The following WDR7 variants were observed in gnomAD, a reference collection of about 807,000 sequenced individuals.
WDR7 encodes WD repeat domain 7.
A neutral mutation model predicts 169.4 loss-of-function variants in WDR7; 46 were observed. The observed-to-expected ratio is 0.27, with a 90% CI of 0.21 to 0.35. The LOEUF (loss-of-function observed/expected upper bound fraction) is 0.35. Among genes scored for constraint, WDR7 ranks in the 10% least tolerant of loss-of-function variants. The pLI, the probability that WDR7 is intolerant of heterozygous loss-of-function variation, is 1.00. For missense variants in WDR7, 1,534 were observed against 1,859.3 expected (o/e 0.83, Z 3.22); for synonymous variants, 612 against 666.8 (o/e 0.92, Z 1.27).
At chr18:56,822,202 G>A (rs1024386376) in intron 20 of WDR7, among the ~76,000 whole-genome samples, 3 of 152,088 alleles carry the variant, frequency 2.0e-5, no homozygotes, top group Non-Finnish European at 2.9e-5. Flanking sequence ...ACATTATTTA[G>A]GACTGTTGTA....
intron 14 of WDR7, among the ~76,000 whole-genome samples, chr18:56,753,806 T>C (rs1471189103): frequency 6.6e-6 from 1 of 152,094 alleles, no homozygotes; most frequent in Non-Finnish European, 1.5e-5. Flanking sequence ...GTTTTGGTAC[T>C]AGGGCCTATT....
chr18:56,742,538 A>G (rs1003085383), intron 14 of WDR7, among the ~76,000 whole-genome samples: 4 of 152,216 alleles, frequency 2.6e-5, no homozygotes, highest in African/African-American at 9.6e-5. Context: ...GAATCAGTCA[A>G]GTTCAGTTAA....
intron 16 of WDR7, among the ~76,000 whole-genome samples, chr18:56,762,274 A>G (rs992392358): frequency 1.3e-5 from 2 of 151,822 alleles, no homozygotes; most frequent in Non-Finnish European, 2.9e-5. Flanking sequence ...AGAAGCTTTC[A>G]GATTATTCAG....
chr18:56,682,961 A>G (rs1428035473), intron 5 of WDR7, 108 bp downstream of exon 5: 12 of 1,195,006 alleles, frequency 1.0e-5, no homozygotes, highest in African/African-American at 1.6e-5. Flanking sequence ...ATATTCTTCT[A>G]TGTAAGAAAT....
At chr18:56,838,997 T>C (rs1226468398) in intron 20 of WDR7, among the ~76,000 whole-genome samples, 2 of 152,182 alleles carry the variant, frequency 1.3e-5, no homozygotes, top group Admixed American at 6.5e-5. Flanking sequence ...TTAGCATACA[T>C]TTATTCACAT....
chr18:56,691,781 T>G lies in WDR7; in HGVS notation c.930T>G (p.Pro310=). ...VGKAVENLIP[P]VQHILLDRKD... is the part of the protein sequence containing the mutation. ...AGGCAGTTGAAAATTTAATTCCTCCTGTACAACATATCCTCTTGGATCGAA... is the reference window on the plus strand; with the variant it reads ...AGGCAGTTGAAAATTTAATTCCTCCGGTACAACATATCCTCTTGGATCGAA... The change falls in exon 9 of 28, where the codon CCT becomes CCG. Residue 310 remains proline (P), a synonymous_variant. Transcript: ENST00000254442. 1 of 1,612,510 alleles carries G rather than the reference T, an allele frequency of 6.2e-7. No individual in the cohort carries two copies.
At chr18:56,705,258 A>G (rs1338647043) in intron 12 of WDR7, among the ~76,000 whole-genome samples, 1 of 151,694 alleles carries the variant, frequency 6.6e-6, no homozygotes, top group Non-Finnish European at 1.5e-5. Flanking sequence ...TATCTGCCAT[A>G]TTTCAGGCAC....
At chr18:56,841,552 A>T (rs2045487062) in intron 20 of WDR7, among the ~76,000 whole-genome samples, 1 of 152,062 alleles carries the variant, frequency 6.6e-6, no homozygotes, top group Non-Finnish European at 1.5e-5. Context: ...TCTAAAAAAA[A>T]AAAAAAAAGA....
intron 5 of WDR7, 33 bp from the exon 6 acceptor site, chr18:56,685,923 C>A (rs2025434348): frequency 1.9e-6 from 3 of 1,563,300 alleles, no homozygotes; most frequent in African/African-American, 2.8e-5. Context: ...ATGTTCGTAA[C>A]CTGGGCTGCT....
intron 21 of WDR7, among the ~76,000 whole-genome samples, chr18:56,905,845 G>A (rs1018300756): frequency 6.6e-6 from 1 of 152,024 alleles, no homozygotes. Flanking sequence ...GTTCAAAGTG[G>A]TACTCGGGGA....
At chr18:56,774,402 A>C (rs2044211106) in intron 16 of WDR7, among the ~76,000 whole-genome samples, 1 of 152,114 alleles carries the variant, frequency 6.6e-6, no homozygotes, top group African/African-American at 2.4e-5. Context: ...GAGAGTAAGC[A>C]GTTGAAGCGG....
intron 25 of WDR7, among the ~76,000 whole-genome samples, chr18:56,940,971 T>C (rs955725999): frequency 6.6e-6 from 1 of 152,238 alleles, no homozygotes; most frequent in Non-Finnish European, 1.5e-5. Context: ...TCTGCTAGAA[T>C]GCTAAGGAGG....
At chr18:56,912,488 TCTGA>T (rs1037145098) in intron 21 of WDR7, among the ~76,000 whole-genome samples, 1 of 152,176 alleles carries the variant, frequency 6.6e-6, no homozygotes, top group African/African-American at 2.4e-5. Context: ...TACTAAATAC[TCTGA>T]CTAAATTTAC....
intron 25 of WDR7, among the ~76,000 whole-genome samples, chr18:56,949,210 T>C (rs1361615826): frequency 6.6e-6 from 1 of 152,032 alleles, no homozygotes. Context: ...GTCTTTAAAG[T>C]AGTGGTTCTC....
intron 26 of WDR7, among the ~76,000 whole-genome samples, chr18:56,989,099 G>T: frequency 6.7e-6 from 1 of 148,256 alleles, no homozygotes; most frequent in South Asian, 2.1e-4. Context: ...AAAAAAAAAT[G>T]GTGAGAATAC....
At chr18:57,017,646 G>C (rs1284086226) in intron 26 of WDR7, among the ~76,000 whole-genome samples, 6 of 152,226 alleles carry the variant, frequency 3.9e-5, no homozygotes, top group African/African-American at 1.2e-4. Flanking sequence ...AAAATGAGTA[G>C]GAGGAAGTAT....
chr18:56,820,339 CAAAAAAAA>C (rs386387798), intron 20 of WDR7, among the ~76,000 whole-genome samples: 13 of 42,472 alleles, frequency 3.1e-4, no homozygotes, highest in African/African-American at 1.5e-3. Context: ...CTGACATTGT[CAAAAAAAA>C]AAAAAAAAAA....
At chr18:56,875,869 A>G (rs1568242595) in intron 20 of WDR7, among the ~76,000 whole-genome samples, 1 of 152,172 alleles carries the variant, frequency 6.6e-6, no homozygotes, top group Non-Finnish European at 1.5e-5. Context: ...ATGAACTGCC[A>G]CCACCACTGG....
rs1231348626 is a variant in WDR7, at chr18:56,919,888, A to C, written c.3527-4034A>C. Among the ~76,000 whole-genome samples, 10 of 152,304 alleles carry C rather than the reference A, an allele frequency of 6.6e-5. No homozygotes were observed. The East Asian group carries it at 1.7e-3, about 26-fold the overall frequency. ...ACACCTCAAATACTGATTTTTTAAA[A>C]ATGAAATGTGATCAGATCTCTCCTT... On this transcript the variant is annotated intron_variant, in intron 21 of 27. Transcript: ENST00000254442.
Sources: gnomAD v4.1 joint callset for allele counts (sites outside exome capture counted in the v4.1 genomes callset) on GRCh38, gnomAD v4.1.1 for gene constraint, MANE v1.5 for transcripts, NCBI Gene and HGNC (gene_info 2026-07-23, HGNC 2026-07-21) for gene names.